The following L3MBTL4 variants were observed in gnomAD, a reference collection of about 807,000 sequenced individuals.
L3MBTL4 encodes lethal(3)malignant brain tumor-like protein 4.
In L3MBTL4, 70 loss-of-function variants were observed where a neutral mutation model predicts 84.5. The observed-to-expected ratio is 0.83, with a 90% CI of 0.68 to 1.01. The LOEUF (loss-of-function observed/expected upper bound fraction) is 1.01. Ranked by LOEUF, L3MBTL4 falls within the 50% of genes least tolerant of loss-of-function variation. The pLI is 0.00. For missense variants in L3MBTL4, 715 were observed against 754.8 expected, an observed-to-expected ratio of 0.95 and a Z score of 0.62; for synonymous variants, 274 against 259.8, an observed-to-expected ratio of 1.05 and a Z score of -0.52.
In L3MBTL4 at chr18:6,386,236, AT is replaced by A. The variant is rs369065983; in HGVS notation, c.-91+28564del. ...TCCAACAAGTAGAGAAAGAAAAAAA[AT>A]ATTTGAGAAAATGTGAACACTGAGC... On this transcript the variant is annotated intron_variant, in intron 1 of 18. Coordinates refer to ENST00000317931, the MANE Select transcript of L3MBTL4 (RefSeq NM_001330559.2). Among the ~76,000 whole-genome samples the A allele has an allele frequency of 2.7e-3, 408 of 152,312 alleles. 3 individuals carry two copies. The highest frequency in any genetic ancestry group is 9.4e-3 in the African/African-American group (390 of 41,556).
intron 12 of L3MBTL4, among the ~76,000 whole-genome samples, chr18:6,175,288 G>A (rs534381967): frequency 2.7e-4 from 41 of 151,994 alleles, no homozygotes; most frequent in Non-Finnish European, 2.8e-4. Context: ...TCTTTAAAAC[G>A]CTAACAGGAA....
chr18:6,194,395 T>C (rs1259108024), intron 12 of L3MBTL4, among the ~76,000 whole-genome samples: 1 of 152,224 alleles, frequency 6.6e-6, no homozygotes, highest in Non-Finnish European at 1.5e-5. Flanking sequence ...ACACAACATG[T>C]AGGCTGCTAA....
chr18:6,046,796 A>C (rs759912138), intron 16 of L3MBTL4: 1 of 760,166 alleles, frequency 1.3e-6, no homozygotes, highest in African/African-American at 1.7e-5. Context: ...TTACCTCAAA[A>C]AGTTAGCAAG....
At chr18:6,229,250 T>A (rs1306680837) in intron 10 of L3MBTL4, among the ~76,000 whole-genome samples, 1 of 152,168 alleles carries the variant, frequency 6.6e-6, no homozygotes, top group Non-Finnish European at 1.5e-5. Context: ...AGAATGCTGT[T>A]TTTTATCTAT....
intron 15 of L3MBTL4, among the ~76,000 whole-genome samples, chr18:6,087,634 T>C (rs929624306): frequency 1.3e-5 from 2 of 152,166 alleles, no homozygotes; most frequent in African/African-American, 4.8e-5. Flanking sequence ...AGGGGCTTAA[T>C]TTAGTTATAG....
intron 1 of L3MBTL4, among the ~76,000 whole-genome samples, chr18:6,347,543 T>C (rs2052971974): frequency 6.6e-6 from 1 of 151,310 alleles, no homozygotes; most frequent in African/African-American, 2.4e-5. Flanking sequence ...AATTAATTAA[T>C]TAAAACATGG....
At position 6,243,334 on chromosome 18, in the gene L3MBTL4, T is replaced by A. The variant is rs1301350959; in HGVS notation, c.420A>T (p.Gly140=). 3 of 1,606,108 alleles carry A rather than the reference T, an allele frequency of 1.9e-6. No individual in the cohort carries two copies. Among genetic ancestry groups the A allele is most frequent in the South Asian group, 1.1e-5 (1 of 88,560 alleles). Residue 140 remains glycine, a synonymous_variant, in exon 7 of 19, where the codon GGA becomes GGT. Coordinates refer to ENST00000317931, the MANE Select transcript of L3MBTL4 (RefSeq NM_001330559.2). ...GTTCATGTTTGGTCTTTTCACACCA[T>A]CCTACTGGATGAATGTCAGGGGAAC... ...NAGSPDIHPV[G]WCEKTKHELH...
intron 1 of L3MBTL4, among the ~76,000 whole-genome samples, chr18:6,401,122 G>T (rs2055493529): frequency 1.3e-5 from 2 of 151,988 alleles, no homozygotes; most frequent in Admixed American, 6.6e-5. Flanking sequence ...CATTATATTT[G>T]GCTCTAATTA....
At chr18:6,368,953 A>G (rs2054044757) in intron 1 of L3MBTL4, among the ~76,000 whole-genome samples, 1 of 151,920 alleles carries the variant, frequency 6.6e-6, no homozygotes, top group Admixed American at 6.6e-5. Context: ...GAGGTGGGAG[A>G]ATCAATTGAA....
intron 14 of L3MBTL4, among the ~76,000 whole-genome samples, chr18:6,109,485 C>T (rs959345538): frequency 2.4e-4 from 37 of 152,146 alleles, no homozygotes; most frequent in African/African-American, 8.7e-4. Flanking sequence ...GTCCCTGCCC[C>T]TTTGCTGGCC....
chr18:6,116,359 GTTTTTTTTTT>G (rs147840317), intron 14 of L3MBTL4, among the ~76,000 whole-genome samples: 5 of 129,948 alleles, frequency 3.8e-5, no homozygotes, highest in African/African-American at 1.2e-4. Context: ...GTTGTTGCTG[GTTTTTTTTTT>G]TTTTTTTTTG....
chr18:5,994,360 A>G (rs969729426), intron 16 of L3MBTL4, among the ~76,000 whole-genome samples: 4 of 152,208 alleles, frequency 2.6e-5, no homozygotes, highest in African/African-American at 9.6e-5. Context: ...GTGCTCAAAA[A>G]AGACCTTCTT....
intron 1 of L3MBTL4, among the ~76,000 whole-genome samples, chr18:6,413,698 T>C (rs1041597458): frequency 6.6e-6 from 1 of 152,152 alleles, no homozygotes; most frequent in Non-Finnish European, 1.5e-5. Context: ...CAGCAAGTCA[T>C]AGTGGAGTCC....
At chr18:6,158,132 T>C (rs1185424292) in intron 13 of L3MBTL4, among the ~76,000 whole-genome samples, 2 of 152,184 alleles carry the variant, frequency 1.3e-5, no homozygotes, top group Non-Finnish European at 2.9e-5. Flanking sequence ...GAAGAATATA[T>C]AGACAAATGT....
intron 16 of L3MBTL4, chr18:6,031,573 C>T: frequency 1.1e-6 from 1 of 944,556 alleles, no homozygotes; most frequent in Non-Finnish European, 1.3e-6. Context: ...TTCAGCAGGG[C>T]TCATTCACAT....
At chr18:6,388,241 G>A (rs1277605454) in intron 1 of L3MBTL4, among the ~76,000 whole-genome samples, 1 of 152,148 alleles carries the variant, frequency 6.6e-6, no homozygotes, top group Non-Finnish European at 1.5e-5. Context: ...AAAGCACTAA[G>A]ATGTAGGACA....
intron 3 of L3MBTL4, among the ~76,000 whole-genome samples, chr18:6,306,655 C>G (rs542536033): frequency 6.6e-6 from 1 of 152,318 alleles, no homozygotes; most frequent in Admixed American, 6.5e-5. Context: ...CCAGTGGCCA[C>G]CATCTCAAGT....
At chr18:6,335,935 G>A (rs1482217321) in intron 1 of L3MBTL4, among the ~76,000 whole-genome samples, 2 of 151,970 alleles carry the variant, frequency 1.3e-5, no homozygotes, top group African/African-American at 2.4e-5. Context: ...GTGTGAAAAC[G>A]GACTAATACA....
At chr18:6,377,674 A>G (rs1312983603) in intron 1 of L3MBTL4, among the ~76,000 whole-genome samples, 1 of 152,202 alleles carries the variant, frequency 6.6e-6, no homozygotes, top group East Asian at 1.9e-4. Flanking sequence ...ATGGCTGCAT[A>G]GTATTCCATG....
Sources: allele counts gnomAD v4.1 joint callset (sites outside exome capture counted in the v4.1 genomes callset), GRCh38; gene constraint gnomAD v4.1.1; transcripts MANE v1.5; gene names NCBI Gene and HGNC (gene_info 2026-07-23, HGNC 2026-07-21).